CRB1: variants seen among roughly 807,000 people sequenced by gnomAD.
CRB1 encodes protein crumbs homolog 1.
A neutral mutation model predicts 120.0 loss-of-function variants in CRB1; 83 were observed. The observed-to-expected ratio is 0.69, with a 90% CI of 0.58 to 0.83. The LOEUF (loss-of-function observed/expected upper bound fraction) is 0.83. Ranked by LOEUF, CRB1 falls within the 40% of genes least tolerant of loss-of-function variation. The pLI, the probability that CRB1 is intolerant of heterozygous loss-of-function variation, is 0.00. For synonymous variants in CRB1, 625 were observed against 612.5 expected, an observed-to-expected ratio of 1.02 and a Z score of -0.30; for missense variants, 1,699 against 1,687.6, an observed-to-expected ratio of 1.01 and a Z score of -0.12.
chr1:197,203,096 AGAAT>A, the CRB1 span, among the ~76,000 whole-genome samples: 2 of 152,218 alleles, frequency 1.3e-5, no homozygotes, highest in Non-Finnish European at 2.9e-5. Context: ...TCGTATTAAC[AGAAT>A]GAAAGATGAA....
intron 11 of CRB1, among the ~76,000 whole-genome samples, chr1:197,471,503 G>A (rs1666975367): frequency 6.6e-6 from 1 of 152,254 alleles, no homozygotes. Context: ...TCCCTCCCCT[G>A]TTCCCTGCTG....
intron 5 of CRB1, 152 bp downstream of exon 5, chr1:197,357,165 C>T (rs1660531527): frequency 1.3e-6 from 1 of 756,450 alleles, no homozygotes. Context: ...TGAAAAGTAT[C>T]TTGTTTCACA....
At chr1:197,209,833 C>T in the CRB1 span, among the ~76,000 whole-genome samples, 7 of 152,266 alleles carry the variant, frequency 4.6e-5, 1 homozygote, top group Admixed American at 3.3e-4. Flanking sequence ...AATCCTTCCC[C>T]TGTGATCTGG....
the CRB1 span, among the ~76,000 whole-genome samples, chr1:197,227,137 C>T: frequency 6.6e-6 from 1 of 152,154 alleles, no homozygotes; most frequent in Admixed American, 6.5e-5. Flanking sequence ...TCCCAACAGT[C>T]CCCCAAAGTC....
intron 1 of CRB1, among the ~76,000 whole-genome samples, chr1:197,324,554 C>A (rs557617919): frequency 3.2e-4 from 48 of 152,074 alleles, no homozygotes; most frequent in Non-Finnish European, 4.4e-4. Flanking sequence ...CCCTGTTAGG[C>A]ATTTTATGTT....
intron 1 of CRB1, among the ~76,000 whole-genome samples, chr1:197,291,494 T>G (rs553380252): frequency 6.6e-6 from 1 of 151,874 alleles, no homozygotes; most frequent in Non-Finnish European, 1.5e-5. Context: ...TTCAAATTAC[T>G]GTTCATGATA....
At chr1:197,301,264 C>T (rs558690779) in intron 1 of CRB1, among the ~76,000 whole-genome samples, 7 of 151,942 alleles carry the variant, frequency 4.6e-5, no homozygotes, top group African/African-American at 1.4e-4. Context: ...CTGCTGGGTT[C>T]AAATGATTCT....
At chr1:197,370,625 T>C (rs1316347298) in intron 5 of CRB1, among the ~76,000 whole-genome samples, 1 of 152,110 alleles carries the variant, frequency 6.6e-6, no homozygotes, top group East Asian at 1.9e-4. Context: ...TGAATGATAA[T>C]GGTGACATAA....
At chr1:197,293,436 T>C (rs918520379) in intron 1 of CRB1, among the ~76,000 whole-genome samples, 3 of 152,032 alleles carry the variant, frequency 2.0e-5, no homozygotes, top group African/African-American at 7.2e-5. Flanking sequence ...TGAAAGAACA[T>C]TCCATGCTCA....
chr1:197,420,326 T>C (rs2125467201), intron 5 of CRB1, among the ~76,000 whole-genome samples: 1 of 152,286 alleles, frequency 6.6e-6, no homozygotes, highest in African/African-American at 2.4e-5. Flanking sequence ...CCTAATTAGA[T>C]ATATTTTTTG....
At chr1:197,454,620 A>G (rs896801716) in intron 11 of CRB1, among the ~76,000 whole-genome samples, 2 of 152,136 alleles carry the variant, frequency 1.3e-5, no homozygotes, top group Non-Finnish European at 2.9e-5. Context: ...GCAACCAACT[A>G]AATTGGTTGG....
At chr1:197,424,180 C>G (rs1424101766) in intron 6 of CRB1, among the ~76,000 whole-genome samples, 1 of 152,090 alleles carries the variant, frequency 6.6e-6, no homozygotes, top group Non-Finnish European at 1.5e-5. Flanking sequence ...TTGTACCTGC[C>G]AAATGTAGTG....
chr1:197,212,917 G>A, the CRB1 span, among the ~76,000 whole-genome samples: 1 of 152,046 alleles, frequency 6.6e-6, no homozygotes, highest in African/African-American at 2.4e-5. Flanking sequence ...AGACCATCCA[G>A]CAAACGGGAA....
At chr1:197,418,762 A>G (rs905094941) in intron 5 of CRB1, among the ~76,000 whole-genome samples, 1 of 152,326 alleles carries the variant, frequency 6.6e-6, no homozygotes, top group East Asian at 1.9e-4. Context: ...CTAAATGGTG[A>G]ATACAAGCCA....
At chr1:197,263,586 A>G (rs1260806090), upstream of CRB1, among the ~76,000 whole-genome samples, 2 of 152,078 alleles carry the variant, frequency 1.3e-5, no homozygotes, top group Non-Finnish European at 2.9e-5. Flanking sequence ...TAAATGTAAT[A>G]TTTCCTAGGG....
At chr1:197,428,959 A>G (rs1558133069) in intron 7 of CRB1, 2 of 1,530,108 alleles carry the variant, frequency 1.3e-6, no homozygotes, top group African/African-American at 1.4e-5. Context: ...TAATAATACT[A>G]TGTCTCTGAT....
intron 11 of CRB1, among the ~76,000 whole-genome samples, chr1:197,469,957 T>G (rs572585633): frequency 6.6e-6 from 1 of 152,254 alleles, no homozygotes; most frequent in South Asian, 2.1e-4. Flanking sequence ...TATCTGCCAC[T>G]CCAATTCCTG....
At chr1:197,334,726 A>G (rs970122767) in intron 2 of CRB1, among the ~76,000 whole-genome samples, 3 of 152,228 alleles carry the variant, frequency 2.0e-5, no homozygotes, top group African/African-American at 7.2e-5. Flanking sequence ...GGACTATAAG[A>G]CACATGATAT....
intron 1 of CRB1, among the ~76,000 whole-genome samples, chr1:197,277,088 G>T (rs1372455101): frequency 6.6e-6 from 1 of 151,894 alleles, no homozygotes; most frequent in African/African-American, 2.4e-5. Flanking sequence ...ACAAATCAGT[G>T]TTTGGGAAGA....
Sources: gnomAD v4.1 joint callset for allele counts (sites outside exome capture counted in the v4.1 genomes callset) on GRCh38, gnomAD v4.1.1 for gene constraint, MANE v1.5 for transcripts, NCBI Gene and HGNC (gene_info 2026-07-23, HGNC 2026-07-21) for gene names.